PSAP: variants seen among roughly 807,000 people sequenced by gnomAD.
PSAP encodes prosaposin.
PSAP carries 25 observed loss-of-function variants against 66.0 expected under a neutral mutation model. That is an observed-to-expected ratio of 0.38 (90% CI 0.28 to 0.53). The LOEUF is 0.53. PSAP is among the 20% of genes least tolerant of loss of function. PSAP has a pLI of 0.83. For synonymous variants in PSAP, 273 were observed against 258.9 expected (o/e 1.05, Z -0.52); for missense variants, 649 against 668.8 (o/e 0.97, Z 0.33).
chr10:71,821,103 A>C (rs1842292855), intron 8 of PSAP, among the ~76,000 whole-genome samples: 1 of 152,252 alleles, frequency 6.6e-6, no homozygotes, highest in South Asian at 2.1e-4. Context: ...GGAAGGCAAG[A>C]AGCAGTGCTT....
intron 6 of PSAP, 97 bp from the exon 7 acceptor site, chr10:71,825,990 G>A: frequency 1.9e-6 from 2 of 1,027,076 alleles, no homozygotes; most frequent in East Asian, 2.5e-5. Context: ...AGTGTCAACT[G>A]GTGACTATCA....
At chr10:71,819,272 T>A (rs1473132053) in intron 11 of PSAP, 161 bp from the exon 12 acceptor site, 3 of 1,010,092 alleles carry the variant, frequency 3.0e-6, no homozygotes, top group Non-Finnish European at 4.5e-6. Flanking sequence ...CCTATCTACA[T>A]TTGGCCTCTC....
chr10:71,850,874 A>C (rs994492084), intron 1 of PSAP, among the ~76,000 whole-genome samples: 13 of 152,178 alleles, frequency 8.5e-5, no homozygotes, highest in African/African-American at 3.1e-4. Flanking sequence ...ACCCACCCCC[A>C]CAGTGGGAAG....
chr10:71,825,961 AC>A, intron 6 of PSAP, 68 bp from the exon 7 acceptor site: 13 of 1,351,514 alleles, frequency 9.6e-6, no homozygotes, highest in Non-Finnish European at 1.4e-5. Flanking sequence ...ACCAACAAAA[AC>A]CCCCCAGCAT....
intron 1 of PSAP, among the ~76,000 whole-genome samples, chr10:71,840,847 G>A (rs558830917): frequency 3.3e-5 from 5 of 152,338 alleles, no homozygotes; most frequent in African/African-American, 1.2e-4. Flanking sequence ...GTGCAGTAAT[G>A]ACTGAGGCTG....
At chr10:71,819,142 C>T in intron 11 of PSAP, 31 bp from the exon 12 acceptor site, 1 of 1,589,560 alleles carries the variant, frequency 6.3e-7, no homozygotes, top group Non-Finnish European at 8.6e-7. Flanking sequence ...ACAGGTCCAG[C>T]TCTGGGGGTG....
At position 71,828,152 on chromosome 10, in the gene PSAP, A is replaced by G. The variant is rs150177878; in HGVS notation, c.582T>C (p.Asn194=). The G allele has an allele frequency of 3.2e-5, 52 of 1,614,034 alleles. No homozygotes were observed. The African/African-American group carries it at 6.0e-4, about 19-fold the overall frequency. Residue 194 remains asparagine (N), a synonymous_variant, in exon 6 of 14, where the codon AAT becomes AAC. Transcript: ENST00000394936. ...GPRSKPQPKD[N]GDVCQDCIQM... is the part of the protein sequence containing the mutation. The stretch of plus-strand genomic sequence containing the variant: ...GAATGCAGTCCTGGCAAACGTCCCC[A>G]TTATCCTACAGAAGAGGCAGTTAGG...
At chr10:71,827,316 G>A (rs979891053) in intron 6 of PSAP, among the ~76,000 whole-genome samples, 6 of 151,282 alleles carry the variant, frequency 4.0e-5, no homozygotes, top group Admixed American at 6.6e-5. Flanking sequence ...GGAGAATGGC[G>A]TGAACCCGGG....
chr10:71,819,112 C>T lies in PSAP; in HGVS notation c.1351-1G>A. On this transcript the variant is annotated splice_acceptor_variant, in intron 11 of 13. Coordinates refer to ENST00000394936, the MANE Select transcript of PSAP (RefSeq NM_002778.4). LOFTEE classifies it high-confidence loss of function. ...CGTACTCTGCCACAAACTGATCACACTATAAAGGAAAGTGGGGACACAGGT... is the reference window on the plus strand; with the variant it reads ...CGTACTCTGCCACAAACTGATCACATTATAAAGGAAAGTGGGGACACAGGT... The T allele has an allele frequency of 6.2e-7, 1 of 1,613,846 alleles. No homozygotes were observed. Among genetic ancestry groups the T allele is most frequent in the South Asian group, 1.1e-5 (1 of 91,048 alleles).
rs188291573 is a variant in PSAP at position 71,848,858 on chromosome 10, T to C, written c.40+2324A>G. The stretch of plus-strand genomic sequence containing the variant: ...GTTATCAGCACTGACTTTGGCCTAA[T>C]CCTAAAGGTAGGACAGCAAAGTTAA... On this transcript the variant is annotated intron_variant, in intron 1 of 13. Transcript: ENST00000394936. Among the ~76,000 whole-genome samples the C allele has an allele frequency of 2.2e-4, 33 of 152,278 alleles. No individual in the cohort carries two copies. The East Asian group carries it at 6.4e-3, about 29-fold the overall frequency.
intron 7 of PSAP, among the ~76,000 whole-genome samples, chr10:71,823,011 G>GAAA (rs1239335636): frequency 7.0e-6 from 1 of 142,372 alleles, no homozygotes; most frequent in African/African-American, 2.6e-5. Flanking sequence ...AAGCTTTTTA[G>GAAA]AAAAAAAAAA....
intron 8 of PSAP, among the ~76,000 whole-genome samples, chr10:71,821,032 T>C (rs1227598017): frequency 2.6e-5 from 4 of 152,260 alleles, no homozygotes; most frequent in Non-Finnish European, 5.9e-5. Context: ...GCTATAACTC[T>C]TCACTTTCTC....
At chr10:71,839,119 T>C (rs1307285455) in intron 1 of PSAP, among the ~76,000 whole-genome samples, 1 of 152,206 alleles carries the variant, frequency 6.6e-6, no homozygotes, top group Non-Finnish European at 1.5e-5. Context: ...GTTCTTAGAA[T>C]GTTTGACCTC....
chr10:71,831,267 AG>A lies in PSAP; in HGVS notation c.250-17del. 1.2e-6 allele frequency: 2 copies of A among 1,613,290 alleles called. No individual in the cohort carries two copies. The highest frequency in any genetic ancestry group is 8.5e-7 in the Non-Finnish European group (1 of 1,179,780). On this transcript the variant is annotated splice_polypyrimidine_tract_variant and intron_variant, in intron 3 of 13. Coordinates refer to ENST00000394936, the MANE Select transcript of PSAP (RefSeq NM_002778.4). ...GGATCTCCTCCTACGAGAGGACACC[AG>A]GGTCAGAATCACGATAGGCTTTCCT...
At chr10:71,819,979 G>A (rs189314246) in intron 9 of PSAP, 79 bp from the exon 10 acceptor site, 31 of 1,265,718 alleles carry the variant, frequency 2.4e-5, no homozygotes, top group Non-Finnish European at 3.5e-5. Context: ...TACTAACATG[G>A]CCAGGAAATG....
At chr10:71,820,033 C>T (rs1564815647) in intron 9 of PSAP, 133 bp from the exon 10 acceptor site, 17 of 958,304 alleles carry the variant, frequency 1.8e-5, no homozygotes, top group Admixed American at 6.0e-5. Context: ...AACTACCAAA[C>T]TACAAAGCAG....
chr10:71,833,010 C>G (rs1312705026), intron 2 of PSAP, among the ~76,000 whole-genome samples: 1 of 56,552 alleles, frequency 1.8e-5, no homozygotes. Context: ...GAGTGAGAGT[C>G]CATCTCAAAA....
In PSAP at chr10:71,817,274, G is replaced by T; in HGVS notation, c.*167C>A. On this transcript the variant is annotated 3_prime_UTR_variant, in exon 14 of 14. Transcript: ENST00000394936. ...CAGCTATGTCTGCCAGGGGCTAGGG[G>T]CTCCCTTGCAGACAGCAATGCTACA... is the stretch of plus-strand genomic sequence containing the variant. The T allele has an allele frequency of 1.3e-6, 1 of 791,638 alleles. No homozygotes were observed. Among genetic ancestry groups the T allele is most frequent in the Non-Finnish European group, 2.2e-6 (1 of 447,812 alleles). 49.0% of individuals were successfully genotyped at this position (791,638 alleles called of 1,614,324 possible).
At chr10:71,828,818 G>C (rs1490402893) in intron 5 of PSAP, 59 bp downstream of exon 5, 2 of 1,585,220 alleles carry the variant, frequency 1.3e-6, no homozygotes, top group African/African-American at 1.3e-5. Context: ...CTGTCCCTTT[G>C]GTCTCTCATC....
Sources: gnomAD v4.1 joint callset for allele counts (sites outside exome capture counted in the v4.1 genomes callset) on GRCh38, gnomAD v4.1.1 for gene constraint, MANE v1.5 for transcripts, NCBI Gene and HGNC (gene_info 2026-07-23, HGNC 2026-07-21) for gene names.